Variants in RNF170 observed in about 807,000 individuals in gnomAD.
RNF170 encodes the protein E3 ubiquitin-protein ligase RNF170.
A neutral mutation model predicts 32.7 loss-of-function variants in RNF170; 12 were observed. The ratio of observed to expected loss-of-function variants is 0.37; its 90% CI spans 0.24 to 0.60. The LOEUF (loss-of-function observed/expected upper bound fraction) is 0.60, where lower values mean the gene tolerates loss of function less well. RNF170 is among the 20% of genes least tolerant of loss of function. RNF170 has a pLI of 0.72. For missense variants in RNF170, 212 were observed against 311.2 expected, an observed-to-expected ratio of 0.68 and a Z score of 2.40; for synonymous variants, 91 against 103.6, an observed-to-expected ratio of 0.88 and a Z score of 0.74.
intron 4 of RNF170, among the ~76,000 whole-genome samples, chr8:42,867,586 T>C (rs1427584066): frequency 1.3e-5 from 2 of 148,702 alleles, no homozygotes; most frequent in Non-Finnish European, 3.0e-5. Flanking sequence ...CCATCATGGC[T>C]AACATGGTGA....
chr8:42,875,263 C>G (rs1447662469), intron 2 of RNF170, among the ~76,000 whole-genome samples: 1 of 151,784 alleles, frequency 6.6e-6, no homozygotes, highest in Non-Finnish European at 1.5e-5. Context: ...TTTCATTTGA[C>G]TACTGATGTA....
chr8:42,881,697 G>A lies in RNF170; in HGVS notation c.137+6031C>T, dbSNP rs182903520. ...TGCCTGTAACTTCCGCACTTTGGGA[G>A]GCTGAGGTGGGCAGATCACTTGAGC... On this transcript the variant is annotated intron_variant, in intron 2 of 6. Coordinates refer to ENST00000527424, the MANE Select transcript of RNF170 (RefSeq NM_030954.4). Among the ~76,000 whole-genome samples the A allele has an allele frequency of 3.7e-3, 566 of 152,334 alleles. 3 individuals are homozygous for A. Among genetic ancestry groups the A allele is most frequent in the Non-Finnish European group, 4.6e-3 (316 of 68,026 alleles).
intron 3 of RNF170, among the ~76,000 whole-genome samples, chr8:42,870,390 A>G (rs1185735193): frequency 6.6e-6 from 1 of 152,232 alleles, no homozygotes; most frequent in Non-Finnish European, 1.5e-5. Flanking sequence ...TAAGTAAATT[A>G]TTCTGAGTAA....
intron 2 of RNF170, among the ~76,000 whole-genome samples, chr8:42,874,591 A>G (rs1277066976): frequency 1.3e-5 from 2 of 151,786 alleles, no homozygotes; most frequent in Non-Finnish European, 2.9e-5. Flanking sequence ...AAAATACAAA[A>G]ATTAGCCGGG....
rs1446665761 is a variant in RNF170 at position 42,856,315 on chromosome 8, C to T, written c.621G>A (p.Met207Ile). The change falls in exon 7 of 7, where the codon ATG (methionine) becomes ATA (isoleucine). Residue 207 changes from methionine to isoleucine, a missense_variant. Transcript: ENST00000527424. ...GTGATATAAGATAGAAAAAAGCTCC[C>T]ATTAAACAAAGTATTATCCTGATGC... ...MFRIRIILCL[M>I]GAFFYLISPL... 6.3e-7 allele frequency: 1 copy of T among 1,583,776 alleles called. No individual in the cohort carries two copies. The highest frequency in any genetic ancestry group is 8.5e-7 in the Non-Finnish European group (1 of 1,171,112).
chr8:42,851,640 C>T (rs1488618283), downstream of RNF170, among the ~76,000 whole-genome samples: 1 of 152,046 alleles, frequency 6.6e-6, no homozygotes, highest in African/African-American at 2.4e-5. Context: ...AAGCTTGCAC[C>T]TCTGGCTTGA....
intron 1 of RNF170, among the ~76,000 whole-genome samples, chr8:42,891,368 T>G (rs938436149): frequency 2.0e-5 from 3 of 151,928 alleles, no homozygotes; most frequent in African/African-American, 7.3e-5. Context: ...AGACTAAGTC[T>G]TTTTTTTAAA....
intron 4 of RNF170, among the ~76,000 whole-genome samples, chr8:42,868,865 A>C (rs912820591): frequency 1.3e-5 from 2 of 151,922 alleles, no homozygotes; most frequent in African/African-American, 2.4e-5. Flanking sequence ...AAAAAAAAAA[A>C]AAAAATTGGC....
upstream of RNF170, chr8:42,897,153 G>A: frequency 8.0e-7 from 1 of 1,248,280 alleles, no homozygotes; most frequent in Non-Finnish European, 1.0e-6. Flanking sequence ...AGAGTCGCTG[G>A]AGCGGGCGGA....
At chr8:42,859,767 G>A (rs1173664066) in intron 6 of RNF170, among the ~76,000 whole-genome samples, 2 of 152,130 alleles carry the variant, frequency 1.3e-5, no homozygotes, top group Non-Finnish European at 2.9e-5. Context: ...TCCCACCTCA[G>A]CCTCCCAAGT....
intron 6 of RNF170, among the ~76,000 whole-genome samples, chr8:42,858,351 G>A (rs1276002478): frequency 2.6e-5 from 4 of 152,120 alleles, no homozygotes; most frequent in Admixed American, 2.0e-4. Flanking sequence ...TGGAGCATGA[G>A]CACATGTCTG....
chr8:42,877,309 C>A (rs532337645), intron 2 of RNF170, among the ~76,000 whole-genome samples: 1 of 152,226 alleles, frequency 6.6e-6, no homozygotes, highest in South Asian at 2.1e-4. Context: ...ACTTCCACCT[C>A]CCGGGTTCAA....
At chr8:42,870,198 G>T in intron 3 of RNF170, 86 bp from the exon 4 acceptor site, 1 of 912,032 alleles carries the variant, frequency 1.1e-6, no homozygotes. Flanking sequence ...TGAGAACAGA[G>T]TCAGCAGTGT....
chr8:42,877,050 T>G (rs914777681), intron 2 of RNF170, among the ~76,000 whole-genome samples: 2 of 148,264 alleles, frequency 1.3e-5, no homozygotes, highest in Admixed American at 1.4e-4. Flanking sequence ...GTCTCCCGGG[T>G]TCATGCCATT....
chr8:42,894,103 CCACATGGCTTCTGCAATTACT>C (rs1806541559), intron 1 of RNF170, among the ~76,000 whole-genome samples: 1 of 152,204 alleles, frequency 6.6e-6, no homozygotes, highest in African/African-American at 2.4e-5. Flanking sequence ...AACTCAGCAG[CCACATGGCTTCTGCAATTACT>C]CACATCCAAA....
chr8:42,891,815 T>G (rs1330230236), intron 1 of RNF170, among the ~76,000 whole-genome samples: 2 of 152,126 alleles, frequency 1.3e-5, no homozygotes, highest in South Asian at 2.1e-4. Context: ...AGTTTCGGAA[T>G]AGAGAAAAAG....
At chr8:42,887,293 A>G (rs1805902509) in intron 2 of RNF170, among the ~76,000 whole-genome samples, 1 of 146,996 alleles carries the variant, frequency 6.8e-6, no homozygotes, top group Admixed American at 6.8e-5. Flanking sequence ...CTCCGTCTCA[A>G]AAAATAAATA....
downstream of RNF170, chr8:42,851,144 C>A (rs1214496642): frequency 6.7e-6 from 8 of 1,190,184 alleles, no homozygotes; most frequent in African/African-American, 4.6e-5. Context: ...CCACCACAGC[C>A]CCCATTGGGC....
chr8:42,854,263 T>A lies in RNF170; in HGVS notation c.*1896A>T. The A allele has an allele frequency of 7.8e-7, 1 of 1,287,226 alleles. No homozygotes were observed. The highest frequency in any genetic ancestry group is 1.2e-5 in the South Asian group (1 of 80,936). 79.7% of individuals were successfully genotyped at this position (1,287,226 alleles called of 1,614,324 possible). ...CACGAAAGACTTCCAAAGAACCAGT[T>A]TCTCTCTTGCTGTTCCTCTTAACAA... On this transcript the variant is annotated 3_prime_UTR_variant, in exon 7 of 7. Transcript: ENST00000527424.
Sources: allele counts gnomAD v4.1 joint callset (sites outside exome capture counted in the v4.1 genomes callset), GRCh38; gene constraint gnomAD v4.1.1; transcripts MANE v1.5; gene names NCBI Gene and HGNC (gene_info 2026-07-23, HGNC 2026-07-21).